The following PDZD2 variants were observed in gnomAD, a reference collection of about 807,000 sequenced individuals.
PDZD2 encodes PDZ domain-containing protein 2.
In PDZD2, 90 loss-of-function variants were observed where a neutral mutation model predicts 220.7. The ratio of observed to expected loss-of-function variants is 0.41; its 90% CI spans 0.34 to 0.49. PDZD2 has a LOEUF of 0.49. Among genes scored for constraint, PDZD2 ranks in the 20% least tolerant of loss-of-function variants. The pLI is 0.28. For synonymous variants in PDZD2, 1,375 were observed against 1,450.5 expected (o/e 0.95, Z 1.18); for missense variants, 3,174 against 3,608.5 (o/e 0.88, Z 3.08).
At position 32,087,966 on chromosome 5, in the gene PDZD2, A is replaced by G; in HGVS notation, c.4518A>G (p.Ser1506=). The G allele has an allele frequency of 1.9e-6, 3 of 1,614,112 alleles. No individual in the cohort carries two copies. Among genetic ancestry groups the G allele is most frequent in the Non-Finnish European group, 2.5e-6 (3 of 1,179,994 alleles). Reference sequence around the variant, plus strand: ...CCTCCCAGCCTTCGGTTTTAGATTCAATTAATCCCGACAAACATTTTACTG... The same window carrying G: ...CCTCCCAGCCTTCGGTTTTAGATTCGATTAATCCCGACAAACATTTTACTG... ...QWASQPSVLD[S]INPDKHFTVN... The change falls in exon 20 of 25, where the codon TCA becomes TCG. Residue 1506 remains serine, a synonymous_variant. Transcript: ENST00000438447. This position sits in a 1 kb window ranked among gnomAD's most constrained non-coding sequence, Gnocchi z 4.0.
intron 1 of PDZD2, among the ~76,000 whole-genome samples, chr5:31,790,750 C>G (rs1273039686): frequency 1.5e-5 from 2 of 132,548 alleles, no homozygotes; most frequent in Admixed American, 8.8e-5. Flanking sequence ...TCAGGCCGGA[C>G]TGCAGTGGCA....
intron 2 of PDZD2, among the ~76,000 whole-genome samples, chr5:31,827,861 G>A (rs932213977): frequency 6.6e-6 from 1 of 151,970 alleles, no homozygotes; most frequent in Admixed American, 6.6e-5. Flanking sequence ...CTTCCAAAAA[G>A]AAGACACATA....
chr5:31,872,072 A>G (rs947673964), intron 2 of PDZD2, among the ~76,000 whole-genome samples: 1 of 152,076 alleles, frequency 6.6e-6, no homozygotes, highest in African/African-American at 2.4e-5. Flanking sequence ...GTACCAACTT[A>G]TCTTTGGGAG....
intron 3 of PDZD2, among the ~76,000 whole-genome samples, chr5:31,993,817 A>C (rs1263595155): frequency 6.6e-6 from 1 of 152,182 alleles, no homozygotes; most frequent in Non-Finnish European, 1.5e-5. Context: ...ACCCCAAAGT[A>C]AATCACTTTG....
intron 2 of PDZD2, among the ~76,000 whole-genome samples, chr5:31,944,956 G>A (rs1012064331): frequency 1.3e-5 from 2 of 152,216 alleles, no homozygotes; most frequent in Non-Finnish European, 2.9e-5. Flanking sequence ...ACATGTGTGC[G>A]GACCAGATGC....
chr5:32,056,628 G>A (rs114295264), intron 10 of PDZD2, among the ~76,000 whole-genome samples: 3,066 of 152,244 alleles, frequency 0.02, 103 homozygotes, highest in African/African-American at 0.07. Context: ...CGACCTGACT[G>A]TGCCGCCTTA....
At chr5:31,834,542 T>C (rs1428093304) in intron 2 of PDZD2, among the ~76,000 whole-genome samples, 2 of 152,208 alleles carry the variant, frequency 1.3e-5, no homozygotes, top group East Asian at 1.9e-4. Flanking sequence ...TGAAAGTCTT[T>C]GCACATACCT....
chr5:31,722,908 G>A (rs1014294159), intron 1 of PDZD2, among the ~76,000 whole-genome samples: 6 of 152,048 alleles, frequency 3.9e-5, no homozygotes, highest in African/African-American at 1.4e-4. Context: ...GGCTGGTCGT[G>A]AACTCCTGAC....
intron 1 of PDZD2, among the ~76,000 whole-genome samples, chr5:31,735,094 T>G (rs979007241): frequency 6.6e-6 from 1 of 152,180 alleles, no homozygotes; most frequent in East Asian, 1.9e-4. Context: ...TGCCCAGCGT[T>G]GAACCCTCCA....
chr5:31,704,885 G>C (rs993873106), intron 1 of PDZD2, among the ~76,000 whole-genome samples: 1 of 152,168 alleles, frequency 6.6e-6, no homozygotes, highest in Non-Finnish European at 1.5e-5. Flanking sequence ...TATTGGCTGG[G>C]TGCGGTGGCT....
chr5:32,091,718 T>C (rs1398938888), intron 20 of PDZD2, among the ~76,000 whole-genome samples: 1 of 152,220 alleles, frequency 6.6e-6, no homozygotes, highest in African/African-American at 2.4e-5. Flanking sequence ...TCTGCTAATA[T>C]CGTTTTTCTG....
chr5:31,798,976 G>T lies in PDZD2; in HGVS notation c.-273G>T. 2 of 478,040 alleles carry T rather than the reference G, an allele frequency of 4.2e-6. No homozygotes were observed. Among genetic ancestry groups the T allele is most frequent in the Non-Finnish European group, 7.5e-6 (2 of 268,376 alleles). The allele number at this position is 478,040 out of a possible 1,614,324, so 29.6% of individuals were successfully genotyped here. On this transcript the variant is annotated 5_prime_UTR_variant, in exon 2 of 25. The change abolishes an upstream ATG in the 5' untranslated region. Transcript: ENST00000438447. ...ATTTGCATGGGTCCTGCTGTGAAATGAACCTGGCAGGGACTTGTTAGACAC... is the reference window on the plus strand; with the variant it reads ...ATTTGCATGGGTCCTGCTGTGAAATTAACCTGGCAGGGACTTGTTAGACAC...
chr5:31,711,512 C>T (rs986189109), intron 1 of PDZD2, among the ~76,000 whole-genome samples: 3 of 152,308 alleles, frequency 2.0e-5, no homozygotes, highest in African/African-American at 7.2e-5. Flanking sequence ...CAAGCTGGAG[C>T]GTGTGCAAAA....
In PDZD2 at chr5:31,709,070, T is replaced by C. The variant is rs555425665; in HGVS notation, c.-361+69633T>C. On this transcript the variant is annotated intron_variant, in intron 1 of 24. Transcript: ENST00000438447. The stretch of plus-strand genomic sequence containing the variant: ...GCCTGGCTAATTTTTGTATTTTTAG[T>C]AGAGACGGGGTTTCACCATGTTGGC... Among the ~76,000 whole-genome samples, 3 of 152,054 alleles carry C rather than the reference T, an allele frequency of 2.0e-5. No homozygotes were observed. The South Asian group carries it at 6.2e-4, about 32-fold the overall frequency.
At chr5:31,839,295 A>C (rs940309995) in intron 2 of PDZD2, among the ~76,000 whole-genome samples, 1 of 152,232 alleles carries the variant, frequency 6.6e-6, no homozygotes, top group Non-Finnish European at 1.5e-5. Flanking sequence ...TGTTTGCTTT[A>C]GTGATATTTA....
chr5:31,920,526 T>C (rs7448237), intron 2 of PDZD2, among the ~76,000 whole-genome samples: 1 of 5,948 alleles, frequency 1.7e-4, no homozygotes, highest in Non-Finnish European at 2.7e-4. Context: ...AAAAAAAAAG[T>C]CCAGGCACTC....
chr5:31,828,591 G>A (rs1221170516), intron 2 of PDZD2, among the ~76,000 whole-genome samples: 1 of 152,114 alleles, frequency 6.6e-6, no homozygotes, highest in East Asian at 1.9e-4. Context: ...AACCTCCTGG[G>A]CTCCAGCAAT....
intron 2 of PDZD2, among the ~76,000 whole-genome samples, chr5:31,819,967 A>T (rs1755729669): frequency 6.6e-6 from 1 of 152,198 alleles, no homozygotes; most frequent in Admixed American, 6.5e-5. Context: ...CAGTCACTTG[A>T]CAGGTGACAG....
Position 31,730,554 on chromosome 5 carries a change from T to TTGTG in PDZD2, c.-360-68300_-360-68297dup, listed in dbSNP as rs35119904. On this transcript the variant is annotated intron_variant, in intron 1 of 24. Coordinates refer to ENST00000438447, the MANE Select transcript of PDZD2 (RefSeq NM_178140.4). ...TCCAGGAAACCAAGCCACCAGGAGT[T>TTGTG]TGTGTGTGTGTGTGTGTGTGTGTGT... Among the ~76,000 whole-genome samples, 635 of 140,476 alleles carry TTGTG rather than the reference T, an allele frequency of 4.5e-3. 5 individuals are homozygous for TTGTG. The highest frequency in any genetic ancestry group is 0.013 in the African/African-American group (490 of 36,832). The allele number at this position is 140,476 out of a possible 152,430, so 92.2% of individuals were successfully genotyped here.
Sources: allele counts gnomAD v4.1 joint callset (sites outside exome capture counted in the v4.1 genomes callset), GRCh38; gene constraint gnomAD v4.1.1; non-coding constraint Gnocchi (gnomAD v3.1); transcripts MANE v1.5; gene names NCBI Gene and HGNC (gene_info 2026-07-23, HGNC 2026-07-21).